Variants in AHI1 observed in about 807,000 individuals in gnomAD.
AHI1 encodes jouberin.
AHI1 carries 123 observed loss-of-function variants against 149.3 expected under a neutral mutation model. That is an observed-to-expected ratio of 0.82 (90% confidence interval 0.71 to 0.96). AHI1 has a LOEUF of 0.96. Ranked by LOEUF, AHI1 falls within the 40% of genes least tolerant of loss-of-function variation. The pLI, the probability that AHI1 is intolerant of heterozygous loss-of-function variation, is 0.00. For missense variants in AHI1, 1,439 were observed against 1,422.7 expected (o/e 1.01, Z -0.18); for synonymous variants, 475 against 459.8 (o/e 1.03, Z -0.42).
At chr6:135,395,728 C>T (rs1779125868) in intron 22 of AHI1, among the ~76,000 whole-genome samples, 1 of 151,682 alleles carries the variant, frequency 6.6e-6, no homozygotes, top group African/African-American at 2.4e-5. Flanking sequence ...TCAAAAAGCA[C>T]AATAAAATGT....
chr6:135,453,094 T>G (rs899173758), intron 11 of AHI1, among the ~76,000 whole-genome samples: 1 of 152,164 alleles, frequency 6.6e-6, no homozygotes, highest in Admixed American at 6.5e-5. Flanking sequence ...AATAATGGCA[T>G]GGCTGTTTGT....
chr6:135,427,162 C>T lies in AHI1; in HGVS notation c.2764+5G>A. The T allele has an allele frequency of 6.2e-7, 1 of 1,608,376 alleles. No individual in the cohort carries two copies. The highest frequency in any genetic ancestry group is 8.5e-7 in the Non-Finnish European group (1 of 1,176,506). ...AATTCTTTACTTATCAAGTGGTAGA[C>T]TTACCATGGAAATCGTAAATATACA... On this transcript the variant is annotated splice_donor_5th_base_variant and intron_variant, in intron 20 of 28. Coordinates refer to ENST00000265602, the MANE Select transcript of AHI1 (RefSeq NM_001134831.2).
intron 26 of AHI1, chr6:135,301,050 C>T: frequency 4.1e-6 from 4 of 984,820 alleles, no homozygotes; most frequent in Non-Finnish European, 3.6e-6. Flanking sequence ...ATTAATGGCA[C>T]CTTCGTGAGA....
Position 135,455,979 on chromosome 6 carries a change from GA to G in AHI1, c.1152-54del, listed in dbSNP as rs992296708. ...CACAATTTTCATAATTTTGAGGTGA[GA>G]AAAAAATATATAGTGTACAAGGTGA... On this transcript the variant is annotated intron_variant, in intron 9 of 28. Transcript: ENST00000265602. 6.5e-6 allele frequency: 8 copies of G among 1,237,664 alleles called. No homozygotes were observed. The East Asian group carries it at 1.3e-4, about 21-fold the overall frequency. The allele number at this position is 1,237,664 out of a possible 1,614,324, so 76.7% of individuals were successfully genotyped here.
chr6:135,303,633 A>G (rs1464722984), intron 26 of AHI1, among the ~76,000 whole-genome samples: 1 of 152,098 alleles, frequency 6.6e-6, no homozygotes, highest in South Asian at 2.1e-4. Flanking sequence ...CTTATTTTAC[A>G]GACCAGGAAT....
chr6:135,491,609 T>C (rs1367185219), intron 4 of AHI1, among the ~76,000 whole-genome samples: 1 of 152,210 alleles, frequency 6.6e-6, no homozygotes, highest in Non-Finnish European at 1.5e-5. Context: ...TAAAGAAACA[T>C]ATTTTCTGTT....
intron 24 of AHI1, among the ~76,000 whole-genome samples, chr6:135,332,386 A>G (rs1788734057): frequency 6.6e-6 from 1 of 152,180 alleles, no homozygotes; most frequent in South Asian, 2.1e-4. Flanking sequence ...GTTTTGATAG[A>G]GCATATTCAG....
intron 20 of AHI1, among the ~76,000 whole-genome samples, chr6:135,423,939 T>G (rs544709429): frequency 6.6e-6 from 1 of 152,152 alleles, no homozygotes; most frequent in Admixed American, 6.6e-5. Flanking sequence ...TTGACTCCAC[T>G]GAAAACACTA....
intron 5 of AHI1, among the ~76,000 whole-genome samples, chr6:135,483,296 C>T (rs1169014353): frequency 1.3e-5 from 2 of 151,996 alleles, no homozygotes; most frequent in African/African-American, 4.8e-5. Flanking sequence ...TAAGCTAAAT[C>T]CAGGCCAGCA....
chr6:135,328,810 A>G (rs1294422190), intron 24 of AHI1, among the ~76,000 whole-genome samples: 1 of 152,194 alleles, frequency 6.6e-6, no homozygotes, highest in Non-Finnish European at 1.5e-5. Context: ...CAGTCAAGTT[A>G]TGAATACAAA....
chr6:135,406,165 C>T (rs931928196), intron 21 of AHI1, among the ~76,000 whole-genome samples: 4 of 152,220 alleles, frequency 2.6e-5, no homozygotes, highest in Non-Finnish European at 4.4e-5. Flanking sequence ...TAAGACCTCA[C>T]AGGTGGACAG....
intron 22 of AHI1, among the ~76,000 whole-genome samples, chr6:135,403,522 A>G (rs1253658824): frequency 2.0e-5 from 3 of 152,206 alleles, no homozygotes; most frequent in Non-Finnish European, 4.4e-5. Flanking sequence ...TGTTCTCCAT[A>G]AAGCCTTGCT....
At chr6:135,429,210 G>C (rs951501303) in intron 18 of AHI1, among the ~76,000 whole-genome samples, 1 of 151,566 alleles carries the variant, frequency 6.6e-6, no homozygotes, top group African/African-American at 2.4e-5. Flanking sequence ...AAAAAAATTA[G>C]ATAAAACATA....
chr6:135,344,097 A>C (rs1297959658), intron 24 of AHI1, among the ~76,000 whole-genome samples: 1 of 152,040 alleles, frequency 6.6e-6, no homozygotes, highest in Non-Finnish European at 1.5e-5. Flanking sequence ...TTTGCATACA[A>C]CTTACACAAT....
At chr6:135,345,500 G>A (rs1791058503) in intron 24 of AHI1, among the ~76,000 whole-genome samples, 1 of 152,140 alleles carries the variant, frequency 6.6e-6, no homozygotes, top group African/African-American at 2.4e-5. Flanking sequence ...CAAAAGGAAT[G>A]AAATTCTGAT....
At chr6:135,332,076 T>TC (rs909751224) in intron 24 of AHI1, among the ~76,000 whole-genome samples, 3 of 151,654 alleles carry the variant, frequency 2.0e-5, no homozygotes, top group African/African-American at 7.3e-5. Context: ...TTAGGTTTTT[T>TC]TTTTTTTTTT....
At chr6:135,360,531 C>A (rs1390090034) in intron 23 of AHI1, among the ~76,000 whole-genome samples, 2 of 152,164 alleles carry the variant, frequency 1.3e-5, no homozygotes, top group East Asian at 3.8e-4. Flanking sequence ...GTCTTGCCAG[C>A]CCCCACAATG....
chr6:135,433,188 G>A lies in AHI1; in HGVS notation c.2105C>T (p.Thr702Met), dbSNP rs756276537. The change falls in exon 16 of 29, where the codon ACG becomes ATG. Residue 702 changes from threonine to methionine, a missense_variant. Transcript: ENST00000265602. ...RVLPHPSFVY[T>M]AKFHPAVREL... is the part of the protein sequence containing the mutation. ...TCTTACAGCTGGATGGAATTTAGCC[G>A]TGTAAACAAAAGAAGGATGAGGTAA... 28 of 1,612,728 alleles carry A rather than the reference G, an allele frequency of 1.7e-5. No individual in the cohort carries two copies. In the East Asian group the frequency reaches 2.9e-4, roughly 17 times the overall value.
chr6:135,464,821 G>C (rs1473580467), intron 7 of AHI1, among the ~76,000 whole-genome samples: 1 of 152,170 alleles, frequency 6.6e-6, no homozygotes, highest in Non-Finnish European at 1.5e-5. Flanking sequence ...CCCCAGTCAA[G>C]GCTTGAGGTG....
Sources: gnomAD v4.1 joint callset for allele counts (sites outside exome capture counted in the v4.1 genomes callset) on GRCh38, gnomAD v4.1.1 for gene constraint, MANE v1.5 for transcripts, NCBI Gene and HGNC (gene_info 2026-07-23, HGNC 2026-07-21) for gene names.